ACSS1: variants seen among roughly 807,000 people sequenced by gnomAD.
The protein encoded by ACSS1 is acetyl-coenzyme A synthetase 2-like, mitochondrial.
Under a neutral mutation model 75.3 loss-of-function variants are expected in ACSS1, and 42 were observed. The observed-to-expected ratio is 0.56, with a 90% confidence interval of 0.44 to 0.72. The LOEUF (loss-of-function observed/expected upper bound fraction) is 0.72, where lower values mean the gene tolerates loss of function less well. Among genes scored for constraint, ACSS1 ranks in the 30% least tolerant of loss-of-function variants. ACSS1 has a pLI of 0.00. For missense variants in ACSS1, 782 were observed against 935.7 expected (o/e 0.84, Z 2.14); for synonymous variants, 380 against 376.8 (o/e 1.01, Z -0.10).
chr20:25,023,646 C>T lies in ACSS1; in HGVS notation c.632-5G>A. The T allele has an allele frequency of 1.3e-6, 2 of 1,593,166 alleles. No individual in the cohort carries two copies. Among genetic ancestry groups the T allele is most frequent in the South Asian group, 1.1e-5 (1 of 88,362 alleles). ...TGATAACCACCTTGCACTTGGCTAA[C>T]AGAGACAACACAGACATTTCTGATC... On this transcript the variant is annotated splice_region_variant and splice_polypyrimidine_tract_variant and intron_variant, in intron 3 of 13. Transcript: ENST00000323482.
intron 7 of ACSS1, among the ~76,000 whole-genome samples, chr20:25,017,597 T>C (rs2088541591): frequency 6.6e-6 from 1 of 152,208 alleles, no homozygotes; most frequent in Non-Finnish European, 1.5e-5. Flanking sequence ...GGAATAGGAA[T>C]GTGCCTATCA....
intron 7 of ACSS1, among the ~76,000 whole-genome samples, chr20:25,018,845 C>T (rs899610481): frequency 6.6e-6 from 1 of 152,134 alleles, no homozygotes; most frequent in Non-Finnish European, 1.5e-5. Context: ...CCTGCTATTC[C>T]TCAGGAGCTC....
At position 25,007,773 on chromosome 20, in the gene ACSS1, C is replaced by T. The variant is rs752039282; in HGVS notation, c.2059G>A (p.Ala687Thr). 2 of 1,613,930 alleles carry T rather than the reference C, an allele frequency of 1.2e-6. No homozygotes were observed. Among genetic ancestry groups the T allele is most frequent in the African/African-American group, 2.7e-5 (2 of 74,942 alleles). ...CACAAGGTGCCAGCTCACTTAGCAGCAGCCTGCTTGTCCTTGCACTTCTGG... is the reference window on the plus strand; with the variant it reads ...CACAAGGTGCCAGCTCACTTAGCAGTAGCCTGCTTGTCCTTGCACTTCTGG... ...VYQKCKDKQA[A>T]AK The change falls in exon 14 of 14, where the codon GCT becomes ACT. Residue 687 changes from alanine (A) to threonine (T), a missense_variant. Ala to Thr is a moderately conservative substitution (Grantham distance 58). This residue lies in a region of ACSS1 where 405 missense variants were observed against 552.6 expected (regional missense o/e 0.73). Transcript: ENST00000323482.
At chr20:25,048,936 C>A (rs2089138587) in intron 1 of ACSS1, among the ~76,000 whole-genome samples, 1 of 152,180 alleles carries the variant, frequency 6.6e-6, no homozygotes, top group South Asian at 2.1e-4. Flanking sequence ...CTTCTGGCAA[C>A]CCTCAAGCCA....
rs1600300141 is a variant in ACSS1, at chr20:25,006,809, A to G, written c.*953T>C. ...GACCTCAGTGGTTCTCACCGCCCCA[A>G]CCACAGAGTGAAGGTCAGGCAGCGT... On this transcript the variant is annotated 3_prime_UTR_variant, in exon 14 of 14. Transcript: ENST00000323482. 12 of 1,534,480 alleles carry G rather than the reference A, an allele frequency of 7.8e-6. No homozygotes were observed. The East Asian group carries it at 2.7e-4, about 34-fold the overall frequency.
Position 25,012,605 on chromosome 20 carries a change from T to C in ACSS1, c.1767A>G (p.Gly589=). The change falls in exon 12 of 14, where the codon GGA becomes GGG. Residue 589 remains glycine, a synonymous_variant. Transcript: ENST00000323482. The stretch of plus-strand genomic sequence containing the variant: ...GCTCATCTCCAGGACACTCACCTTC[T>C]CCTTTGATGTCGTGGGGGTAGCCAA... ...AVIGYPHDIK[G]EAAFAFIVVK... is the part of the protein sequence containing the mutation. 1 of 1,614,176 alleles carries C rather than the reference T, an allele frequency of 6.2e-7. No individual in the cohort carries two copies. The highest frequency in any genetic ancestry group is 2.2e-5 in the East Asian group (1 of 44,878).
In ACSS1 at chr20:25,007,571, C is replaced by A; in HGVS notation, c.*191G>T. ...TGTCGCATAGCCTCTCCATGGGTGA[C>A]ACTCCTGGGACCTCCAATGGATGGG... On this transcript the variant is annotated 3_prime_UTR_variant, in exon 14 of 14. Coordinates refer to ENST00000323482, the MANE Select transcript of ACSS1 (RefSeq NM_032501.4). 1 of 1,428,784 alleles carries A rather than the reference C, an allele frequency of 7.0e-7. No homozygotes were observed. Among genetic ancestry groups the A allele is most frequent in the Non-Finnish European group, 9.1e-7 (1 of 1,095,356 alleles). 88.5% of individuals were successfully genotyped at this position (1,428,784 alleles called of 1,614,324 possible).
At chr20:25,034,563 C>A (rs1007825667) in intron 2 of ACSS1, among the ~76,000 whole-genome samples, 3 of 151,926 alleles carry the variant, frequency 2.0e-5, no homozygotes, top group African/African-American at 7.3e-5. Flanking sequence ...GACCTCAATT[C>A]TATATTTAAC....
At chr20:25,014,896 C>T (rs1021957838) in intron 8 of ACSS1, among the ~76,000 whole-genome samples, 25 of 152,216 alleles carry the variant, frequency 1.6e-4, no homozygotes, top group Non-Finnish European at 1.0e-4. Context: ...GGGGGCGCCC[C>T]CACCTCACAA....
chr20:25,012,772 G>T (rs1275295882), intron 11 of ACSS1, 40 bp downstream of exon 11: 1 of 1,613,180 alleles, frequency 6.2e-7, no homozygotes, highest in African/African-American at 1.3e-5. Context: ...GGGCATCATG[G>T]AGGTGTAGGA....
At chr20:25,022,380 CAAAACAAAACAAAAG>C (rs1316930348) in intron 5 of ACSS1, among the ~76,000 whole-genome samples, 2 of 151,678 alleles carry the variant, frequency 1.3e-5, no homozygotes, top group African/African-American at 2.4e-5. Context: ...CAAAACAAAA[CAAAACAAAACAAAAG>C]AAAAAACAAT....
chr20:25,009,105 A>G (rs1279931920), intron 13 of ACSS1, among the ~76,000 whole-genome samples, 165 bp downstream of exon 13: 1 of 152,224 alleles, frequency 6.6e-6, no homozygotes, highest in Non-Finnish European at 1.5e-5. Flanking sequence ...CCTCTATGAC[A>G]ACACAGAGAC....
intron 1 of ACSS1, among the ~76,000 whole-genome samples, chr20:25,052,268 TG>T (rs964714864): frequency 6.6e-6 from 1 of 152,256 alleles, no homozygotes; most frequent in African/African-American, 2.4e-5. Context: ...AAATGGGCAG[TG>T]AGACAAGAAA....
intron 7 of ACSS1, among the ~76,000 whole-genome samples, 153 bp from the exon 8 acceptor site, chr20:25,015,383 C>A (rs2088498260): frequency 6.6e-6 from 1 of 152,220 alleles, no homozygotes; most frequent in Non-Finnish European, 1.5e-5. Context: ...GCAACCTCCA[C>A]CTCCCAGGTT....
intron 8 of ACSS1, among the ~76,000 whole-genome samples, 187 bp from the exon 9 acceptor site, chr20:25,014,260 A>C (rs1348493394): frequency 6.6e-6 from 1 of 152,188 alleles, no homozygotes; most frequent in Non-Finnish European, 1.5e-5. Context: ...GCGGCCCCAC[A>C]GTGGCCTCAG....
At chr20:25,046,545 C>T in intron 2 of ACSS1, 1 of 500,064 alleles carries the variant, frequency 2.0e-6, no homozygotes, top group South Asian at 2.2e-5. Flanking sequence ...CGGGGAGTGC[C>T]ATGGCTGGGC....
rs776102048 is a variant in ACSS1, at chr20:25,007,745, C to T, written c.*17G>A. The T allele has an allele frequency of 6.8e-6, 11 of 1,612,122 alleles. No individual in the cohort carries two copies. The highest frequency in any genetic ancestry group is 9.3e-6 in the Non-Finnish European group (11 of 1,178,782). On this transcript the variant is annotated 3_prime_UTR_variant, in exon 14 of 14. Transcript: ENST00000323482. ...CTTGGGTGCCCGCCCATCCCAAGAG[C>T]CCCACAAGGTGCCAGCTCACTTAGC...
At chr20:25,012,997 A>T in intron 10 of ACSS1, 58 bp from the exon 11 acceptor site, 1 of 1,611,170 alleles carries the variant, frequency 6.2e-7, no homozygotes, top group South Asian at 1.1e-5. Flanking sequence ...CCATGTCCCA[A>T]CCTCAGTAAG....
intron 8 of ACSS1, 97 bp downstream of exon 8, chr20:25,015,041 G>T: frequency 1.9e-6 from 2 of 1,064,564 alleles, no homozygotes; most frequent in Non-Finnish European, 1.3e-6. Flanking sequence ...GTCTTCTATC[G>T]CACCTGCTGT....
Sources: gnomAD v4.1 joint callset for allele counts (sites outside exome capture counted in the v4.1 genomes callset) on GRCh38, gnomAD v4.1.1 for gene constraint, gnomAD v4.1.1 regional missense constraint, MANE v1.5 for transcripts, NCBI Gene and HGNC (gene_info 2026-07-23, HGNC 2026-07-21) for gene names.